ZNF423: variants seen among roughly 807,000 people sequenced by gnomAD.
ZNF423 encodes Ebf-associated zinc finger protein.
Under a neutral mutation model 95.8 loss-of-function variants are expected in ZNF423, and 12 were observed. The ratio of observed to expected loss-of-function variants is 0.13; its 90% confidence interval spans 0.08 to 0.20. The LOEUF (loss-of-function observed/expected upper bound fraction) is 0.20, where lower values mean the gene tolerates loss of function less well. Among genes scored for constraint, ZNF423 ranks in the 10% least tolerant of loss-of-function variants. The pLI is 1.00. For missense variants in ZNF423, 1,316 were observed against 1,737.1 expected (o/e 0.76, Z 4.31); for synonymous variants, 749 against 711.9 (o/e 1.05, Z -0.83).
chr16:49,748,707 T>C (rs1294763767), intron 2 of ZNF423, among the ~76,000 whole-genome samples: 1 of 152,118 alleles, frequency 6.6e-6, no homozygotes, highest in Non-Finnish European at 1.5e-5. Flanking sequence ...AAGCCCCTTT[T>C]CCGTGCAGGG....
intron 1 of ZNF423, among the ~76,000 whole-genome samples, chr16:49,797,986 G>A (rs536820761): frequency 3.2e-4 from 49 of 152,324 alleles, no homozygotes; most frequent in African/African-American, 1.1e-3. Context: ...AAGGCAGGAC[G>A]ATTGCTTGAG....
intron 5 of ZNF423, among the ~76,000 whole-genome samples, chr16:49,527,140 G>A (rs1308052018): frequency 2.0e-5 from 3 of 151,904 alleles, no homozygotes; most frequent in Admixed American, 6.6e-5. Context: ...GCCATCCCCC[G>A]CACCCCCGGG....
intron 5 of ZNF423, among the ~76,000 whole-genome samples, chr16:49,538,857 A>C (rs28681288): frequency 0.037 from 5,608 of 152,306 alleles, 366 homozygotes; most frequent in African/African-American, 0.13. Flanking sequence ...TAGCTTTCAA[A>C]ACATTCCTTC....
At chr16:49,500,284 C>A (rs1349162095) in intron 7 of ZNF423, among the ~76,000 whole-genome samples, 1 of 152,144 alleles carries the variant, frequency 6.6e-6, no homozygotes, top group Non-Finnish European at 1.5e-5. Flanking sequence ...AGATTCAGGA[C>A]TGAAAATCGG....
intron 5 of ZNF423, 76 bp downstream of exon 5, chr16:49,626,093 TA>T: frequency 7.0e-7 from 1 of 1,431,822 alleles, no homozygotes; most frequent in Non-Finnish European, 9.8e-7. Flanking sequence ...TAAAAGCCAG[TA>T]AAATGATGAT....
chr16:49,679,361 T>C (rs2031255000), intron 3 of ZNF423, among the ~76,000 whole-genome samples: 1 of 152,198 alleles, frequency 6.6e-6, no homozygotes. Flanking sequence ...CCAGCACAGC[T>C]GCAGCCACCT....
At chr16:49,650,669 G>C (rs897172255) in intron 3 of ZNF423, among the ~76,000 whole-genome samples, 2 of 152,212 alleles carry the variant, frequency 1.3e-5, no homozygotes, top group African/African-American at 4.8e-5. Flanking sequence ...ATCCCATTCA[G>C]TTAGTGAATC....
chr16:49,737,805 G>A (rs2033323432), intron 2 of ZNF423, among the ~76,000 whole-genome samples: 1 of 152,218 alleles, frequency 6.6e-6, no homozygotes, highest in African/African-American at 2.4e-5. Flanking sequence ...CTAGAAAAGG[G>A]TCAGCCAATG....
intron 3 of ZNF423, among the ~76,000 whole-genome samples, chr16:49,702,649 C>A (rs1468865756): frequency 6.6e-6 from 1 of 152,212 alleles, no homozygotes; most frequent in Non-Finnish European, 1.5e-5. Context: ...GTCTTGACAG[C>A]ATTAAGCTCA....
At chr16:49,706,477 C>T (rs940621952) in intron 3 of ZNF423, among the ~76,000 whole-genome samples, 15 of 152,254 alleles carry the variant, frequency 9.9e-5, no homozygotes, top group Non-Finnish European at 1.6e-4. Context: ...CTTGTGGGGA[C>T]CAGGGCATGC....
chr16:49,566,739 G>A (rs1474996978), intron 5 of ZNF423, among the ~76,000 whole-genome samples: 1 of 152,232 alleles, frequency 6.6e-6, no homozygotes, highest in East Asian at 1.9e-4. Context: ...CGCAGCCAGT[G>A]AGAAGGGAGA....
intron 3 of ZNF423, among the ~76,000 whole-genome samples, chr16:49,655,668 A>G (rs2029868707): frequency 6.6e-6 from 1 of 152,102 alleles, no homozygotes; most frequent in Admixed American, 6.5e-5. Context: ...CTTTTCCTCC[A>G]CTTTTGGAAT....
chr16:49,493,406 C>A (rs1040180078), intron 7 of ZNF423, among the ~76,000 whole-genome samples: 4 of 152,208 alleles, frequency 2.6e-5, no homozygotes, highest in African/African-American at 9.6e-5. Flanking sequence ...GGTGGCGGCA[C>A]CTCCTTTCTC....
At position 49,491,046 on chromosome 16, in the gene ZNF423, C is replaced by T; in HGVS notation, c.*229G>A. 1 of 561,758 alleles carries T rather than the reference C, an allele frequency of 1.8e-6. No individual in the cohort carries two copies. The highest frequency in any genetic ancestry group is 3.2e-6 in the Non-Finnish European group (1 of 314,554). 34.8% of individuals were successfully genotyped at this position (561,758 alleles called of 1,614,324 possible). On this transcript the variant is annotated 3_prime_UTR_variant, in exon 8 of 8. Coordinates refer to ENST00000563137, the MANE Select transcript of ZNF423 (RefSeq NM_001379286.1). Reference sequence around the variant, plus strand: ...TAGTCTGCGGCGGAAAGTCTAAAAGCACACTAGCTGTAGCAGGACAATAAA... The same window carrying T: ...TAGTCTGCGGCGGAAAGTCTAAAAGTACACTAGCTGTAGCAGGACAATAAA...
At chr16:49,739,430 C>T (rs1465685362) in intron 2 of ZNF423, among the ~76,000 whole-genome samples, 1 of 151,816 alleles carries the variant, frequency 6.6e-6, no homozygotes, top group Non-Finnish European at 1.5e-5. Flanking sequence ...AATGTCCATG[C>T]ATACCAAAAG....
At chr16:49,648,476 T>C (rs1973263459) in intron 3 of ZNF423, among the ~76,000 whole-genome samples, 1 of 152,080 alleles carries the variant, frequency 6.6e-6, no homozygotes, top group Non-Finnish European at 1.5e-5. Flanking sequence ...ACCCCGTCTC[T>C]ACTAAAAATA....
intron 3 of ZNF423, among the ~76,000 whole-genome samples, chr16:49,725,620 G>A (rs933981853): frequency 5.3e-5 from 8 of 152,186 alleles, no homozygotes; most frequent in African/African-American, 1.9e-4. Context: ...GAAAGGGATG[G>A]GTGCTCTGGA....
intron 3 of ZNF423, among the ~76,000 whole-genome samples, chr16:49,712,866 T>C (rs1227975862): frequency 1.3e-5 from 2 of 152,216 alleles, no homozygotes; most frequent in South Asian, 4.1e-4. Context: ...TCCACTGCCA[T>C]TGTCCCTATG....
chr16:49,720,985 T>C (rs1269829072), intron 3 of ZNF423, among the ~76,000 whole-genome samples: 1 of 152,190 alleles, frequency 6.6e-6, no homozygotes, highest in Non-Finnish European at 1.5e-5. Flanking sequence ...CTGGCAATGG[T>C]AAGAGGCTGC....
Sources: allele counts gnomAD v4.1 joint callset (sites outside exome capture counted in the v4.1 genomes callset), GRCh38; gene constraint gnomAD v4.1.1; transcripts MANE v1.5; gene names NCBI Gene and HGNC (gene_info 2026-07-23, HGNC 2026-07-21).